OSBPL8: variants seen among roughly 807,000 people sequenced by gnomAD.
OSBPL8 encodes oxysterol binding protein like 8.
A neutral mutation model predicts 125.5 loss-of-function variants in OSBPL8; 59 were observed. The observed-to-expected ratio is 0.47, with a 90% CI of 0.38 to 0.58. The LOEUF is 0.58. OSBPL8 is among the 20% of genes least tolerant of loss of function. The probability of loss-of-function intolerance (pLI) is 0.00; values close to 1 mark genes in which losing one functional copy is unlikely to be tolerated. For synonymous variants in OSBPL8, 330 were observed against 338.9 expected (o/e 0.97, Z 0.29); for missense variants, 758 against 1,047.8 (o/e 0.72, Z 3.82).
At chr12:76,389,547 G>T in intron 12 of OSBPL8, 98 bp downstream of exon 12, 1 of 985,222 alleles carries the variant, frequency 1.0e-6, no homozygotes, top group Non-Finnish European at 1.4e-6. Context: ...TCTCATTAGA[G>T]CCTGATTTTG....
At chr12:76,533,562 C>T (rs1950410059) in intron 1 of OSBPL8, among the ~76,000 whole-genome samples, 1 of 152,162 alleles carries the variant, frequency 6.6e-6, no homozygotes, top group Admixed American at 6.5e-5. Context: ...CAGGAGCAGA[C>T]ACAAACAAGT....
At chr12:76,487,367 T>C (rs1015476912) in intron 2 of OSBPL8, 143 bp downstream of exon 2, 11 of 607,796 alleles carry the variant, frequency 1.8e-5, no homozygotes, top group Non-Finnish European at 3.0e-5. Context: ...AAAGTATCTG[T>C]AATTCTCAAG....
At chr12:76,402,574 T>C in intron 6 of OSBPL8, 115 bp downstream of exon 6, 2 of 735,234 alleles carry the variant, frequency 2.7e-6, no homozygotes, top group Non-Finnish European at 4.6e-6. Flanking sequence ...TCTGTACCAC[T>C]GGATGTTTTT....
intron 12 of OSBPL8, 36 bp from the exon 13 acceptor site, chr12:76,386,696 A>G: frequency 7.0e-7 from 1 of 1,438,098 alleles, no homozygotes; most frequent in Non-Finnish European, 9.6e-7. Flanking sequence ...ATTTTAAAAA[A>G]TGTATCACAA....
chr12:76,444,776 AGTGG>A (rs1872567967), intron 4 of OSBPL8, among the ~76,000 whole-genome samples: 1 of 152,182 alleles, frequency 6.6e-6, no homozygotes, highest in Non-Finnish European at 1.5e-5. Context: ...ATTCTGAAAG[AGTGG>A]AGTGAAATCT....
At chr12:76,416,309 AACTT>A (rs560802324) in intron 4 of OSBPL8, among the ~76,000 whole-genome samples, 340 of 152,204 alleles carry the variant, frequency 2.2e-3, no homozygotes, top group Non-Finnish European at 2.4e-3. Flanking sequence ...AATTTGTTGA[AACTT>A]ACTTTATGGC....
At chr12:76,385,634 T>C (rs1167553701) in intron 14 of OSBPL8, among the ~76,000 whole-genome samples, 2 of 151,836 alleles carry the variant, frequency 1.3e-5, no homozygotes. Context: ...AATAAGCGGG[T>C]CAGGGTTTGT....
At chr12:76,385,395 A>C (rs892830112) in intron 14 of OSBPL8, among the ~76,000 whole-genome samples, 3 of 152,212 alleles carry the variant, frequency 2.0e-5, no homozygotes, top group African/African-American at 7.2e-5. Context: ...AAATTAATGA[A>C]AGTTTAAAAA....
At chr12:76,430,918 G>T (rs1267537239) in intron 4 of OSBPL8, among the ~76,000 whole-genome samples, 1 of 152,178 alleles carries the variant, frequency 6.6e-6, no homozygotes, top group Admixed American at 6.5e-5. Context: ...CAACATAAAA[G>T]CATATGAAAG....
intron 1 of OSBPL8, among the ~76,000 whole-genome samples, chr12:76,539,394 A>C (rs1000826728): frequency 6.6e-6 from 1 of 152,196 alleles, no homozygotes; most frequent in Admixed American, 6.5e-5. Flanking sequence ...ATATTAGAAA[A>C]ATAAATGCCA....
chr12:76,419,219 G>C (rs1869146697), intron 4 of OSBPL8, among the ~76,000 whole-genome samples: 1 of 152,130 alleles, frequency 6.6e-6, no homozygotes, highest in African/African-American at 2.4e-5. Flanking sequence ...CTGGGAGACA[G>C]AGCGAGACTC....
chr12:76,379,642 C>T (rs1952961766), intron 15 of OSBPL8, among the ~76,000 whole-genome samples: 3 of 152,004 alleles, frequency 2.0e-5, no homozygotes, highest in African/African-American at 7.2e-5. Context: ...CTGTGTTTTA[C>T]TTCCTTCAAT....
intron 1 of OSBPL8, among the ~76,000 whole-genome samples, chr12:76,523,306 A>G (rs1223659717): frequency 6.6e-6 from 1 of 152,172 alleles, no homozygotes; most frequent in Non-Finnish European, 1.5e-5. Flanking sequence ...CCACATTTCT[A>G]AAGTATTCTT....
chr12:76,471,687 T>C (rs1430543635), intron 2 of OSBPL8, among the ~76,000 whole-genome samples: 1 of 152,186 alleles, frequency 6.6e-6, no homozygotes, highest in Non-Finnish European at 1.5e-5. Context: ...AGAAAAACAT[T>C]TAACCCCATC....
chr12:76,523,588 C>T (rs1950081867), intron 1 of OSBPL8, among the ~76,000 whole-genome samples: 1 of 152,134 alleles, frequency 6.6e-6, no homozygotes, highest in African/African-American at 2.4e-5. Flanking sequence ...GTGGAGCCCT[C>T]ATGCTGGGAT....
At chr12:76,379,378 T>G (rs1037117267) in intron 15 of OSBPL8, among the ~76,000 whole-genome samples, 1 of 152,228 alleles carries the variant, frequency 6.6e-6, no homozygotes, top group African/African-American at 2.4e-5. Flanking sequence ...TATTCTCAGC[T>G]TTACTGAAGT....
intron 5 of OSBPL8, 101 bp downstream of exon 5, chr12:76,410,463 T>C: frequency 5.9e-6 from 5 of 848,908 alleles, no homozygotes; most frequent in Non-Finnish European, 7.6e-6. Context: ...TGTATCAACA[T>C]AAAAACATCA....
At chr12:76,394,763 G>T in intron 8 of OSBPL8, 34 bp from the exon 9 acceptor site, 1 of 1,452,734 alleles carries the variant, frequency 6.9e-7, no homozygotes, top group Non-Finnish European at 9.5e-7. Context: ...AAATGGTATA[G>T]AGTAATTATT....
chr12:76,455,241 T>TAA (rs554598965), intron 3 of OSBPL8, among the ~76,000 whole-genome samples: 2 of 137,956 alleles, frequency 1.4e-5, no homozygotes, highest in African/African-American at 5.3e-5. Context: ...AGACTCTATC[T>TAA]AAAAAAAAAA....
Sources: gnomAD v4.1 joint callset for allele counts (sites outside exome capture counted in the v4.1 genomes callset) on GRCh38, gnomAD v4.1.1 for gene constraint, MANE v1.5 for transcripts, NCBI Gene and HGNC (gene_info 2026-07-23, HGNC 2026-07-21) for gene names.